TET1: variants seen among roughly 807,000 people sequenced by gnomAD.
The protein encoded by TET1 is tet methylcytosine dioxygenase 1.
A neutral mutation model predicts 148.7 loss-of-function variants in TET1; 13 were observed. The ratio of observed to expected loss-of-function variants is 0.09; its 90% CI spans 0.06 to 0.14. The LOEUF is 0.14. Among genes scored for constraint, TET1 ranks in the 10% least tolerant of loss-of-function variants. The pLI is 1.00. For synonymous variants in TET1, 907 were observed against 937.2 expected, an observed-to-expected ratio of 0.97 and a Z score of 0.59; for missense variants, 2,182 against 2,553.8, an observed-to-expected ratio of 0.85 and a Z score of 3.14.
Position 68,574,043 on chromosome 10 carries a change from G to A in TET1, c.1705G>A (p.Val569Ile), listed in dbSNP as rs1200912007. 8.1e-6 allele frequency: 13 copies of A among 1,614,130 alleles called. No individual in the cohort carries two copies. The highest frequency in any genetic ancestry group is 1.7e-5 in the Admixed American group (1 of 60,006). Residue 569 changes from valine (V) to isoleucine (I), a missense_variant, in exon 2 of 12, where the codon GTC (valine) becomes ATC (isoleucine). By Grantham distance (29) the Val-to-Ile change is conservative (BLOSUM62 3). Around this residue, in one of 11 missense-constraint regions of TET1, gnomAD observed 665 missense variants for 672.4 expected, o/e 0.99. Coordinates refer to ENST00000373644, the MANE Select transcript of TET1 (RefSeq NM_030625.3). ...TTVVTMPVPM[V>I]STSSSSYTTL... ...AGTGGTGACTATGCCAGTGCCAATG[G>A]TCAGTACCTCCTCTTCTTCCTATAC... is the stretch of plus-strand genomic sequence containing the variant.
chr10:68,660,345 T>TC (rs2055087918), intron 6 of TET1, among the ~76,000 whole-genome samples: 1 of 149,074 alleles, frequency 6.7e-6, no homozygotes, highest in East Asian at 1.9e-4. Context: ...TTCTTCTTCT[T>TC]TTTTTTTTTT....
intron 7 of TET1, among the ~76,000 whole-genome samples, chr10:68,667,482 G>A (rs2055209876): frequency 6.6e-6 from 1 of 152,096 alleles, no homozygotes; most frequent in Non-Finnish European, 1.5e-5. Context: ...GTGACCAGGT[G>A]CAGTGGCTCA....
chr10:68,658,399 A>G (rs748497125), intron 6 of TET1, among the ~76,000 whole-genome samples: 51 of 152,078 alleles, frequency 3.4e-4, no homozygotes, highest in Admixed American at 2.2e-3. Context: ...TCCACCTCCC[A>G]AAGTGCTGGG....
At chr10:68,619,866 T>C (rs929340577) in intron 3 of TET1, among the ~76,000 whole-genome samples, 27 of 152,154 alleles carry the variant, frequency 1.8e-4, no homozygotes, top group Admixed American at 1.8e-3. Flanking sequence ...CATTGAGATA[T>C]GATTTGTATA....
At chr10:68,600,838 T>C (rs2054045810) in intron 2 of TET1, 143 bp from the exon 3 acceptor site, 1 of 678,452 alleles carries the variant, frequency 1.5e-6, no homozygotes, top group Non-Finnish European at 2.6e-6. Flanking sequence ...TTACATAAGC[T>C]CTTTAGGTTC....
At chr10:68,688,039 G>C (rs1360779133) in intron 11 of TET1, among the ~76,000 whole-genome samples, 1 of 151,952 alleles carries the variant, frequency 6.6e-6, no homozygotes, top group Non-Finnish European at 1.5e-5. Context: ...GATCCCATGG[G>C]AACCTCTCTA....
chr10:68,672,515 C>CAAAAAAAAAAAAAAAAAA (rs1207136905), intron 7 of TET1, among the ~76,000 whole-genome samples: 1 of 85,726 alleles, frequency 1.2e-5, no homozygotes, highest in African/African-American at 4.3e-5. Context: ...AAAAAAACAC[C>CAAAAAAAAAAAAAAAAAA]AAAAAAAAAA....
chr10:68,684,281 T>A (rs894684403), intron 10 of TET1, among the ~76,000 whole-genome samples: 1 of 152,016 alleles, frequency 6.6e-6, no homozygotes, highest in African/African-American at 2.4e-5. Flanking sequence ...TCTTACAGTG[T>A]GATTGAAAGT....
chr10:68,603,103 G>C (rs557160191), intron 3 of TET1, among the ~76,000 whole-genome samples: 1 of 152,124 alleles, frequency 6.6e-6, no homozygotes, highest in South Asian at 2.1e-4. Context: ...AACATTCTAG[G>C]AGCATGCTAC....
At chr10:68,604,039 T>C in intron 3 of TET1, among the ~76,000 whole-genome samples, 1 of 152,208 alleles carries the variant, frequency 6.6e-6, no homozygotes, top group East Asian at 1.9e-4. Flanking sequence ...GACATCTTGT[T>C]AGCAATGTTA....
At position 68,595,153 on chromosome 10, in the gene TET1, GA is replaced by G. The variant is rs113065548; in HGVS notation, c.1915-5814del. 3.7e-3 allele frequency among the ~76,000 whole-genome samples: 500 copies of G among 135,240 alleles called. 1 individual carries two copies. The highest frequency in any genetic ancestry group is 0.011 in the Middle Eastern group (3 of 264). 88.7% of individuals were successfully genotyped at this position (135,240 alleles called of 152,430 possible). A position where few individuals can be genotyped will look rare whatever the true frequency, so the allele number is the denominator to read the frequency against. On this transcript the variant is annotated intron_variant, in intron 2 of 11. Coordinates refer to ENST00000373644, the MANE Select transcript of TET1 (RefSeq NM_030625.3). Reference sequence around the variant, plus strand: ...GGGGAAGAGAGTGAGACCCTATCAAGAAAAAAAAAAAAAATCTCTGAAAGGT... The same window carrying G: ...GGGGAAGAGAGTGAGACCCTATCAAGAAAAAAAAAAAAATCTCTGAAAGGT...
intron 3 of TET1, among the ~76,000 whole-genome samples, chr10:68,616,541 AT>A (rs542346669): frequency 2.2e-4 from 33 of 147,732 alleles, no homozygotes; most frequent in Middle Eastern, 3.5e-3. Flanking sequence ...TCTTTTGAGA[AT>A]TTTTTTTTTT....
At chr10:68,608,688 C>T (rs1397197655) in intron 3 of TET1, among the ~76,000 whole-genome samples, 1 of 152,070 alleles carries the variant, frequency 6.6e-6, no homozygotes, top group Non-Finnish European at 1.5e-5. Context: ...GTGTGTGCCA[C>T]CAAGCCCAGC....
intron 3 of TET1, among the ~76,000 whole-genome samples, chr10:68,623,438 G>GT (rs1294451288): frequency 6.6e-6 from 1 of 152,206 alleles, no homozygotes; most frequent in African/African-American, 2.4e-5. Flanking sequence ...TTTCGAGGTA[G>GT]TTAGTTTCCT....
At chr10:68,626,481 G>C (rs1002697949) in intron 3 of TET1, among the ~76,000 whole-genome samples, 1 of 151,208 alleles carries the variant, frequency 6.6e-6, no homozygotes, top group African/African-American at 2.4e-5. Flanking sequence ...GGTAACAGGT[G>C]TGAGCAACTG....
At chr10:68,648,432 T>G (rs2054883485) in intron 4 of TET1, among the ~76,000 whole-genome samples, 1 of 152,252 alleles carries the variant, frequency 6.6e-6, no homozygotes, top group South Asian at 2.1e-4. Context: ...GTTAGGCTGC[T>G]TGAAGCCCCA....
At chr10:68,688,500 TCTCAG>T (rs1403556788) in intron 11 of TET1, among the ~76,000 whole-genome samples, 2 of 138,108 alleles carry the variant, frequency 1.4e-5, no homozygotes, top group Non-Finnish European at 3.0e-5. Flanking sequence ...AGTGGCGCAA[TCTCAG>T]CTCACTGCAA....
chr10:68,560,479 C>T lies in TET1; in HGVS notation c.-386C>T, dbSNP rs58627364. On this transcript the variant is annotated 5_prime_UTR_variant, in exon 1 of 12. Transcript: ENST00000373644. Reference sequence around the variant, plus strand: ...CCCGGGTCTGCCCCCCGGGACACCCCTCTGCCTCGCCCAAGTCATGCAGCC... The same window carrying T: ...CCCGGGTCTGCCCCCCGGGACACCCTTCTGCCTCGCCCAAGTCATGCAGCC... Among the ~76,000 whole-genome samples, 17,130 of 152,232 alleles carry T rather than the reference C, an allele frequency of 0.11. 1,278 individuals carry two copies. The highest frequency in any genetic ancestry group is 0.26 in the South Asian group (1,265 of 4,832).
chr10:68,614,539 T>A (rs560971611), intron 3 of TET1, among the ~76,000 whole-genome samples: 1 of 152,158 alleles, frequency 6.6e-6, no homozygotes, highest in South Asian at 2.1e-4. Context: ...GAGACAAGAG[T>A]CTTGCTCTGT....
Sources: gnomAD v4.1 joint callset for allele counts (sites outside exome capture counted in the v4.1 genomes callset) on GRCh38, gnomAD v4.1.1 for gene constraint, gnomAD v4.1.1 regional missense constraint, MANE v1.5 for transcripts, NCBI Gene and HGNC (gene_info 2026-07-23, HGNC 2026-07-21) for gene names.